Variants in AP2B1 observed in about 807,000 individuals in gnomAD.
The protein encoded by AP2B1 is AP-2 complex subunit beta.
A neutral mutation model predicts 102.0 loss-of-function variants in AP2B1; 23 were observed. The observed-to-expected ratio is 0.23, with a 90% confidence interval of 0.16 to 0.32. The LOEUF is 0.32. AP2B1 is among the 10% of genes least tolerant of loss of function. The pLI, the probability that AP2B1 is intolerant of heterozygous loss-of-function variation, is 1.00. For missense variants in AP2B1, 541 were observed against 1,157.4 expected, an observed-to-expected ratio of 0.47 and a Z score of 7.73; for synonymous variants, 381 against 421.2, an observed-to-expected ratio of 0.90 and a Z score of 1.17.
At chr17:35,718,663 C>T (rs1487828551) in intron 21 of AP2B1, among the ~76,000 whole-genome samples, 1 of 151,660 alleles carries the variant, frequency 6.6e-6, no homozygotes, top group African/African-American at 2.4e-5. Flanking sequence ...GCCTGGGTAA[C>T]ATAGTGAGAC....
intron 20 of AP2B1, among the ~76,000 whole-genome samples, chr17:35,711,370 A>G (rs1169896884): frequency 1.3e-5 from 2 of 151,456 alleles, no homozygotes; most frequent in South Asian, 2.1e-4. Flanking sequence ...CAGCTGGAGC[A>G]TAGCACTGGG....
chr17:35,639,829 G>T, intron 11 of AP2B1, 69 bp downstream of exon 11: 2 of 1,400,466 alleles, frequency 1.4e-6, no homozygotes, highest in Non-Finnish European at 2.0e-6. Context: ...AGAAAGCAAA[G>T]GTTATAGGCA....
intron 14 of AP2B1, chr17:35,659,821 C>A (rs1052978981): frequency 1.9e-5 from 19 of 985,198 alleles, no homozygotes; most frequent in Non-Finnish European, 2.2e-5. Context: ...TGAAAGATAT[C>A]CCAGAAATCA....
At chr17:35,661,776 C>T (rs1022000649) in intron 14 of AP2B1, among the ~76,000 whole-genome samples, 1 of 152,114 alleles carries the variant, frequency 6.6e-6, no homozygotes, top group South Asian at 2.1e-4. Flanking sequence ...TTTTTCATAG[C>T]CTGGTGATCT....
chr17:35,596,938 G>T, intron 2 of AP2B1: 1 of 696,012 alleles, frequency 1.4e-6, no homozygotes, highest in South Asian at 1.4e-5. Flanking sequence ...ATGCCAGGAG[G>T]CCATTGTGGA....
At position 35,709,216 on chromosome 17, in the gene AP2B1, C is replaced by T. The variant is rs782023066; in HGVS notation, c.2455-8C>T. ...TGTCCTCATTTGACCTTGTTGCTTT[C>T]CTGGCAGGTGGCTGTGAAAAACAAT... On this transcript the variant is annotated splice_polypyrimidine_tract_variant and splice_region_variant and intron_variant, in intron 18 of 21. Transcript: ENST00000610402. 5.6e-6 allele frequency: 9 copies of T among 1,613,896 alleles called. No individual in the cohort carries two copies. The highest frequency in any genetic ancestry group is 4.5e-5 in the East Asian group (2 of 44,868).
At chr17:35,600,629 A>G (rs77848861) in intron 3 of AP2B1, among the ~76,000 whole-genome samples, 1 of 152,230 alleles carries the variant, frequency 6.6e-6, no homozygotes, top group African/African-American at 2.4e-5. Context: ...GCAAAAAAAT[A>G]AAAAAGCAGT....
At chr17:35,716,012 A>G (rs1349159780) in intron 20 of AP2B1, among the ~76,000 whole-genome samples, 1 of 152,186 alleles carries the variant, frequency 6.6e-6, no homozygotes, top group Admixed American at 6.5e-5. Flanking sequence ...TCCAACACCT[A>G]TCAGAGCAGA....
intron 13 of AP2B1, among the ~76,000 whole-genome samples, chr17:35,654,253 C>T (rs1025731858): frequency 2.0e-5 from 3 of 151,188 alleles, no homozygotes; most frequent in East Asian, 3.9e-4. Context: ...TAGTAGAGAC[C>T]GGGTTTCACA....
chr17:35,710,333 C>T lies in AP2B1; in HGVS notation c.2626+13C>T. On this transcript the variant is annotated intron_variant, in intron 20 of 21. Transcript: ENST00000610402. Reference sequence around the variant, plus strand: ...CATTTAAATGCTGGTGAGTAATATACTCTAAATTTCAGTTTCATCTTAGTA... The same window carrying T: ...CATTTAAATGCTGGTGAGTAATATATTCTAAATTTCAGTTTCATCTTAGTA... 1 of 1,534,844 alleles carries T rather than the reference C, an allele frequency of 6.5e-7. No homozygotes were observed. Among genetic ancestry groups the T allele is most frequent in the Non-Finnish European group, 9.0e-7 (1 of 1,111,708 alleles).
At chr17:35,706,871 C>T (rs12103451) in intron 18 of AP2B1, among the ~76,000 whole-genome samples, 19,264 of 151,942 alleles carry the variant, frequency 0.13, 1,273 homozygotes, top group Middle Eastern at 0.16. Flanking sequence ...AGGCTGGTCT[C>T]GAACTCCTGA....
chr17:35,681,634 A>G (rs1360024953), intron 17 of AP2B1, among the ~76,000 whole-genome samples: 1 of 151,926 alleles, frequency 6.6e-6, no homozygotes, highest in African/African-American at 2.4e-5. Context: ...GTCTCATTAT[A>G]TTAAGTGACC....
chr17:35,725,356 G>C lies in AP2B1; in HGVS notation c.*1657G>C, dbSNP rs77247187. On this transcript the variant is annotated 3_prime_UTR_variant, in exon 22 of 22. Coordinates refer to ENST00000610402, the MANE Select transcript of AP2B1 (RefSeq NM_001030006.2). ...CAGGGGCACTTCAGGCTCCACAGGC[G>C]TCATGTTGGACTGAGACCTAACTCA... The C allele has an allele frequency of 6.6e-6, 1 of 152,156 alleles. No homozygotes were observed. Among genetic ancestry groups the C allele is most frequent in the African/African-American group, 2.4e-5 (1 of 41,406 alleles). The allele number at this position is 152,156 out of a possible 1,614,324, so 9.4% of individuals were successfully genotyped here.
At chr17:35,604,054 A>G (rs904096115) in intron 3 of AP2B1, among the ~76,000 whole-genome samples, 5 of 152,206 alleles carry the variant, frequency 3.3e-5, no homozygotes, top group African/African-American at 1.2e-4. Flanking sequence ...CCAATGAGAG[A>G]AACCATGTTA....
chr17:35,711,768 G>A (rs1374764115), intron 20 of AP2B1, among the ~76,000 whole-genome samples: 2 of 152,190 alleles, frequency 1.3e-5, no homozygotes, highest in South Asian at 2.1e-4. Context: ...ACTGCACCCA[G>A]CCCAGCTTTT....
intron 18 of AP2B1, among the ~76,000 whole-genome samples, chr17:35,689,785 T>C (rs2076005850): frequency 6.6e-6 from 1 of 152,218 alleles, no homozygotes; most frequent in African/African-American, 2.4e-5. Flanking sequence ...GTGTGGCTAA[T>C]GGTTACTAGA....
At chr17:35,645,065 A>G (rs986707677) in intron 12 of AP2B1, among the ~76,000 whole-genome samples, 3 of 152,028 alleles carry the variant, frequency 2.0e-5, no homozygotes, top group Admixed American at 6.5e-5. Flanking sequence ...AAGAATAAGT[A>G]TGCCTATGTA....
intron 20 of AP2B1, among the ~76,000 whole-genome samples, chr17:35,716,715 C>T (rs1394980472): frequency 6.6e-6 from 1 of 152,126 alleles, no homozygotes; most frequent in African/African-American, 2.4e-5. Context: ...GAATGGCTCA[C>T]AATGAAGTAG....
intron 18 of AP2B1, among the ~76,000 whole-genome samples, chr17:35,697,283 T>C (rs956874511): frequency 6.6e-6 from 1 of 152,228 alleles, no homozygotes; most frequent in Admixed American, 6.5e-5. Flanking sequence ...GGACCCTGTT[T>C]TCAAAACTGG....
Sources: allele counts gnomAD v4.1 joint callset (sites outside exome capture counted in the v4.1 genomes callset), GRCh38; gene constraint gnomAD v4.1.1; transcripts MANE v1.5; gene names NCBI Gene and HGNC (gene_info 2026-07-23, HGNC 2026-07-21).